SPPL2A: variants seen among roughly 807,000 people sequenced by gnomAD.
The protein encoded by SPPL2A is signal peptide peptidase like 2A.
A neutral mutation model predicts 63.8 loss-of-function variants in SPPL2A; 51 were observed. The ratio of observed to expected loss-of-function variants is 0.80; its 90% confidence interval spans 0.64 to 1.01. SPPL2A has a LOEUF of 1.01. Among genes scored for constraint, SPPL2A ranks in the 50% least tolerant of loss-of-function variants. The pLI is 0.00. For missense variants in SPPL2A, 553 were observed against 622.7 expected (o/e 0.89, Z 1.19); for synonymous variants, 188 against 205.8 (o/e 0.91, Z 0.74).
intron 5 of SPPL2A, 95 bp downstream of exon 5, chr15:50,747,400 G>A: frequency 9.8e-7 from 1 of 1,020,970 alleles, no homozygotes; most frequent in East Asian, 2.4e-5. Context: ...CATATTCTGA[G>A]GGCAGATAAA....
chr15:50,747,441 T>A, intron 5 of SPPL2A, 54 bp downstream of exon 5: 2 of 1,447,696 alleles, frequency 1.4e-6, no homozygotes, highest in Non-Finnish European at 1.9e-6. Context: ...ATTAAAATGA[T>A]TGCAGAAATT....
At chr15:50,738,481 G>A (rs2062792217) in intron 6 of SPPL2A, among the ~76,000 whole-genome samples, 1 of 149,626 alleles carries the variant, frequency 6.7e-6, no homozygotes, top group Non-Finnish European at 1.5e-5. Context: ...CCTGGGAGGT[G>A]GAGGTTGCAG....
At chr15:50,710,785 C>T (rs974639518) in intron 14 of SPPL2A, among the ~76,000 whole-genome samples, 1 of 152,176 alleles carries the variant, frequency 6.6e-6, no homozygotes, top group African/African-American at 2.4e-5. Flanking sequence ...CAGCTTGTGA[C>T]TTCTAAAAAT....
chr15:50,752,562 A>T (rs983689563), intron 1 of SPPL2A, among the ~76,000 whole-genome samples: 2 of 152,072 alleles, frequency 1.3e-5, no homozygotes, highest in East Asian at 1.9e-4. Flanking sequence ...TACTAAAAAT[A>T]CAAGAATTAG....
intron 12 of SPPL2A, among the ~76,000 whole-genome samples, chr15:50,724,840 C>G (rs2062673802): frequency 6.6e-6 from 1 of 152,182 alleles, no homozygotes; most frequent in Non-Finnish European, 1.5e-5. Flanking sequence ...ACAGCCTTGC[C>G]TAATATTCTT....
At chr15:50,738,555 A>C (rs2141042250) in intron 6 of SPPL2A, among the ~76,000 whole-genome samples, 1 of 152,234 alleles carries the variant, frequency 6.6e-6, no homozygotes, top group East Asian at 1.9e-4. Context: ...TTTCCAAAAA[A>C]AAAAAAAAAG....
intron 12 of SPPL2A, among the ~76,000 whole-genome samples, chr15:50,724,509 C>T (rs1029440995): frequency 4.0e-5 from 6 of 150,898 alleles, no homozygotes; most frequent in South Asian, 2.1e-4. Flanking sequence ...ACCTGGGAAG[C>T]GGAGGTTGCA....
At chr15:50,727,566 AC>A (rs1441269013) in intron 10 of SPPL2A, among the ~76,000 whole-genome samples, 4 of 152,172 alleles carry the variant, frequency 2.6e-5, no homozygotes, top group Non-Finnish European at 4.4e-5. Context: ...ATTTAAAGAT[AC>A]CCGAGTAACT....
At chr15:50,750,705 A>G (rs1360650095) in intron 1 of SPPL2A, among the ~76,000 whole-genome samples, 1 of 152,332 alleles carries the variant, frequency 6.6e-6, no homozygotes, top group East Asian at 1.9e-4. Flanking sequence ...GGGAGAGGAG[A>G]GTATAAAATG....
intron 1 of SPPL2A, among the ~76,000 whole-genome samples, chr15:50,761,330 A>AGGTGT (rs1461371853): frequency 6.6e-6 from 1 of 152,206 alleles, no homozygotes. Flanking sequence ...TTAAAAAGAC[A>AGGTGT]GAGCTGCCGG....
At position 50,725,723 on chromosome 15, in the gene SPPL2A, G is replaced by A. The variant is rs7174091; in HGVS notation, c.1147-400C>T. ...TGGTATTACAGGCATGAGCCACCGT[G>A]CCTGGCCACCCATATCTTCTAGAAA... is the stretch of plus-strand genomic sequence containing the variant. On this transcript the variant is annotated intron_variant, in intron 11 of 14. Coordinates refer to ENST00000261854, the MANE Select transcript of SPPL2A (RefSeq NM_032802.4). Among the ~76,000 whole-genome samples, 593 of 152,248 alleles carry A rather than the reference G, an allele frequency of 3.9e-3. 3 individuals carry two copies. The highest frequency in any genetic ancestry group is 0.014 in the African/African-American group (565 of 41,528).
Position 50,719,964 on chromosome 15 carries a change from C to T in SPPL2A, c.1464G>A (p.Lys488=). The T allele has an allele frequency of 6.2e-7, 1 of 1,613,210 alleles. No homozygotes were observed. The highest frequency in any genetic ancestry group is 8.5e-7 in the Non-Finnish European group (1 of 1,179,734). The part of the protein sequence containing the change: ...VVAWRRKEMK[K]FWKGNSYQMM... ...CCTGATAGCTGTTACCTTTCCAGAA[C>T]TTTTTCATTTCCTTACGTCTCCAGG... is the stretch of plus-strand genomic sequence containing the variant. Residue 488 remains lysine, a synonymous_variant, in exon 14 of 15, where the codon AAG becomes AAA. Coordinates refer to ENST00000261854, the MANE Select transcript of SPPL2A (RefSeq NM_032802.4).
rs71127139 is a variant in SPPL2A at position 50,746,436 on chromosome 15, CAAAAA to C, written c.584+1054_584+1058del. On this transcript the variant is annotated intron_variant, in intron 5 of 14. Coordinates refer to ENST00000261854, the MANE Select transcript of SPPL2A (RefSeq NM_032802.4). Reference sequence around the variant, plus strand: ...CTGGCAACAGAGCGAGACTCTGTATCAAAAAAAAAAAAAAAAAAAAAAAAAGGAAA... The same window carrying C: ...CTGGCAACAGAGCGAGACTCTGTATCAAAAAAAAAAAAAAAAAAAAGGAAA... Among the ~76,000 whole-genome samples the C allele has an allele frequency of 3.2e-3, 280 of 87,044 alleles. 2 individuals are homozygous for C. The highest frequency in any genetic ancestry group is 9.5e-3 in the African/African-American group (243 of 25,678). The allele number at this position is 87,044 out of a possible 152,430, so 57.1% of individuals were successfully genotyped here.
Position 50,705,626 on chromosome 15 carries a change from T to C in SPPL2A, c.*2174A>G, listed in dbSNP as rs1297063814. On this transcript the variant is annotated 3_prime_UTR_variant, in exon 15 of 15. Transcript: ENST00000261854. The stretch of plus-strand genomic sequence containing the variant: ...ATACAATGGAGGCAAAATTAACTCT[T>C]GTCAGGTAAGTCATTTGCCATAAAC... 2.6e-5 allele frequency: 4 copies of C among 152,224 alleles called. No individual in the cohort carries two copies. The highest frequency in any genetic ancestry group is 9.6e-5 in the African/African-American group (4 of 41,466). The allele number at this position is 152,224 out of a possible 1,614,324, so 9.4% of individuals were successfully genotyped here. A position where few individuals can be genotyped will look rare whatever the true frequency, so the allele number is the denominator to read the frequency against.
At position 50,748,786 on chromosome 15, in the gene SPPL2A, C is replaced by T; in HGVS notation, c.262G>A (p.Val88Ile). 2 of 1,612,316 alleles carry T rather than the reference C, an allele frequency of 1.2e-6. No homozygotes were observed. Residue 88 changes from valine (V) to isoleucine (I), a missense_variant, in exon 3 of 15, where the codon GTT becomes ATT. Val to Ile is a conservative substitution (Grantham distance 29, BLOSUM62 3). Transcript: ENST00000261854. Reference protein sequence around the residue: ...IPPVGIKSKAVVVPWGSCHFL... With the variant: ...IPPVGIKSKAIVVPWGSCHFL... ...TGGCAGCTTCCCCATGGAACCACAA[C>T]TGCTTTGCTCTTTATGCCAACAGGA...
At position 50,702,459 on chromosome 15, in the gene SPPL2A, T is replaced by C. The variant is rs1231410736; in HGVS notation, c.*5341A>G. The C allele has an allele frequency of 6.6e-6, 1 of 152,170 alleles. No individual in the cohort carries two copies. Among genetic ancestry groups the C allele is most frequent in the Non-Finnish European group, 1.5e-5 (1 of 68,030 alleles). 9.4% of individuals were successfully genotyped at this position (152,170 alleles called of 1,614,324 possible). A position where few individuals can be genotyped will look rare whatever the true frequency, so the allele number is the denominator to read the frequency against. On this transcript the variant is annotated 3_prime_UTR_variant, in exon 15 of 15. Coordinates refer to ENST00000261854, the MANE Select transcript of SPPL2A (RefSeq NM_032802.4). ...AAGTATTAATTTACACTAACTTACATATCAAAGTGTTAAAAAAGAAATTCC... is the reference window on the plus strand; with the variant it reads ...AAGTATTAATTTACACTAACTTACACATCAAAGTGTTAAAAAAGAAATTCC...
chr15:50,749,680 A>G lies in SPPL2A; in HGVS notation c.133T>C (p.Tyr45His), dbSNP rs780696838. 2 of 1,613,328 alleles carry G rather than the reference A, an allele frequency of 1.2e-6. No homozygotes were observed. The highest frequency in any genetic ancestry group is 2.2e-5 in the East Asian group (1 of 44,876). Residue 45 changes from tyrosine (Y) to histidine (H), a missense_variant, in exon 2 of 15, where the codon TAT (tyrosine) becomes CAT (histidine). Tyr to His is a moderately conservative substitution (Grantham distance 83, BLOSUM62 2). Coordinates refer to ENST00000261854, the MANE Select transcript of SPPL2A (RefSeq NM_032802.4). ...NGTTKDYCML[Y>H]NPYWTALPST... ...GGAAGAGCTGTCCAATAAGGGTTATAAAGCATGCAGTAGTCCTTGGTTGTG... is the reference window on the plus strand; with the variant it reads ...GGAAGAGCTGTCCAATAAGGGTTATGAAGCATGCAGTAGTCCTTGGTTGTG...
rs1384475264 is a variant in SPPL2A, at chr15:50,736,258, T to C, written c.831-56A>G. 4.9e-6 allele frequency: 5 copies of C among 1,026,952 alleles called. No homozygotes were observed. The East Asian group carries it at 9.5e-5, about 20-fold the overall frequency. 63.6% of individuals were successfully genotyped at this position (1,026,952 alleles called of 1,614,324 possible). On this transcript the variant is annotated intron_variant, in intron 7 of 14. Transcript: ENST00000261854. Reference sequence around the variant, plus strand: ...CAGATGAAGTACAATGTTCACTTGATATAAGAAGTAGCAAATATTAACCAC... The same window carrying C: ...CAGATGAAGTACAATGTTCACTTGACATAAGAAGTAGCAAATATTAACCAC...
chr15:50,760,033 T>C (rs1329739950), intron 1 of SPPL2A, among the ~76,000 whole-genome samples: 2 of 152,176 alleles, frequency 1.3e-5, no homozygotes, highest in African/African-American at 4.8e-5. Context: ...ACCTGAAAGT[T>C]AAAAGGAGGA....
Sources: gnomAD v4.1 joint callset for allele counts (sites outside exome capture counted in the v4.1 genomes callset) on GRCh38, gnomAD v4.1.1 for gene constraint, MANE v1.5 for transcripts, NCBI Gene and HGNC (gene_info 2026-07-23, HGNC 2026-07-21) for gene names.